Variants in PVT1 observed in about 807,000 individuals in gnomAD.
The protein encoded by PVT1 is Pvt1 oncogene.
At chr8:127,908,348 CT>C (rs34469533) in intron 3 of PVT1, among the ~76,000 whole-genome samples, 28 of 141,010 alleles carry the variant, frequency 2.0e-4, no homozygotes, top group Non-Finnish European at 2.0e-4. Context: ...TTCTTTCTTT[CT>C]TTTTTTTTTT....
At chr8:128,061,887 G>A (rs1314621540) in intron 4 of PVT1, among the ~76,000 whole-genome samples, 2 of 152,166 alleles carry the variant, frequency 1.3e-5, no homozygotes, top group African/African-American at 2.4e-5. Flanking sequence ...ACTTATGCCC[G>A]ATTTTTTAAA....
chr8:127,990,214 C>T (rs730255), intron 4 of PVT1, among the ~76,000 whole-genome samples: 3,924 of 152,228 alleles, frequency 0.026, 71 homozygotes, highest in South Asian at 0.041. Context: ...CTCCCCTGGA[C>T]GGCAGCGGGC....
intron 2 of PVT1, among the ~76,000 whole-genome samples, chr8:127,880,195 A>G (rs1298070470): frequency 1.3e-5 from 2 of 152,164 alleles, no homozygotes; most frequent in African/African-American, 2.4e-5. Context: ...TGTGTCTTTC[A>G]TGTTTGATAT....
At chr8:127,823,848 T>C (rs1275190409) in intron 2 of PVT1, among the ~76,000 whole-genome samples, 2 of 152,238 alleles carry the variant, frequency 1.3e-5, no homozygotes, top group South Asian at 2.1e-4. Flanking sequence ...TGATCACATG[T>C]CCTTTGTGTT....
intron 3 of PVT1, among the ~76,000 whole-genome samples, chr8:127,905,526 G>A (rs1417727418): frequency 6.6e-6 from 1 of 152,104 alleles, no homozygotes; most frequent in Non-Finnish European, 1.5e-5. Context: ...ACATCCATTG[G>A]TCATTTCTGA....
intron 2 of PVT1, among the ~76,000 whole-genome samples, chr8:127,809,981 GTA>G (rs1188575556): frequency 3.9e-5 from 6 of 152,252 alleles, no homozygotes; most frequent in Admixed American, 3.3e-4. Context: ...GTGGAGACCA[GTA>G]GCTTCCTCTG....
chr8:127,897,295 C>T (rs1158140622), intron 3 of PVT1, among the ~76,000 whole-genome samples: 1 of 152,128 alleles, frequency 6.6e-6, no homozygotes, highest in Non-Finnish European at 1.5e-5. Context: ...CCCTACAGCG[C>T]CTGGTCAGAC....
chr8:127,935,211 C>A (rs1485664582), intron 3 of PVT1, among the ~76,000 whole-genome samples: 1 of 152,124 alleles, frequency 6.6e-6, no homozygotes, highest in Non-Finnish European at 1.5e-5. Context: ...GGTGATCTGC[C>A]CGCCTCGGCC....
chr8:128,097,946 G>A (rs946758480), intron 6 of PVT1, among the ~76,000 whole-genome samples: 16 of 152,114 alleles, frequency 1.1e-4, no homozygotes, highest in South Asian at 6.2e-4. Flanking sequence ...GGACTTAGAC[G>A]AGGCTCTGGG....
chr8:128,008,672 A>G (rs1817275572), intron 4 of PVT1, among the ~76,000 whole-genome samples: 1 of 152,192 alleles, frequency 6.6e-6, no homozygotes, highest in Admixed American at 6.5e-5. Context: ...TCTCTCAGTA[A>G]TGATTATAAT....
chr8:127,899,477 C>G (rs979948995), intron 3 of PVT1, among the ~76,000 whole-genome samples: 24 of 152,144 alleles, frequency 1.6e-4, no homozygotes, highest in Non-Finnish European at 2.5e-4. Context: ...TCTCTGGCTC[C>G]CCGTCTCTCA....
chr8:127,937,708 A>G lies in PVT1; in HGVS notation n.782+46710A>G, dbSNP rs547495841. 5.3e-5 allele frequency among the ~76,000 whole-genome samples: 8 copies of G among 152,238 alleles called. No individual in the cohort carries two copies. In the South Asian group the frequency reaches 1.7e-3, roughly 32 times the overall value. ...CTGCTGCTGCGTAGAGCCAGCCAGC[A>G]TATAGATTATGCTTTCTTCCTTCTG... On this transcript the variant is annotated intron_variant and non_coding_transcript_variant, in intron 3 of 10. Transcript: ENST00000651587.
rs560013275 is a variant in PVT1, at chr8:127,996,182, T to A, written n.912+6891T>A. Among the ~76,000 whole-genome samples the A allele has an allele frequency of 6.0e-4, 91 of 152,256 alleles. No individual in the cohort carries two copies. The Middle Eastern group carries it at 0.01, about 17-fold the overall frequency. Reference sequence around the variant, plus strand: ...GCTCCTGATCCAGCAGGTTTTATTCTTAAATTTGTAACAAAGTAAATCACA... The same window carrying A: ...GCTCCTGATCCAGCAGGTTTTATTCATAAATTTGTAACAAAGTAAATCACA... On this transcript the variant is annotated intron_variant and non_coding_transcript_variant, in intron 4 of 10. Transcript: ENST00000651587.
intron 3 of PVT1, among the ~76,000 whole-genome samples, chr8:127,932,919 G>A (rs1346516791): frequency 6.6e-6 from 1 of 152,116 alleles, no homozygotes; most frequent in African/African-American, 2.4e-5. Context: ...CTTAAGGATT[G>A]TCAGGCATTA....
chr8:127,911,844 C>G (rs1240458846), intron 3 of PVT1, among the ~76,000 whole-genome samples: 1 of 152,242 alleles, frequency 6.6e-6, no homozygotes, highest in Non-Finnish European at 1.5e-5. Flanking sequence ...CCTTTGGCCT[C>G]AGGCCCTTAT....
chr8:127,812,389 T>G (rs1404026385), intron 2 of PVT1, among the ~76,000 whole-genome samples: 2 of 151,822 alleles, frequency 1.3e-5, no homozygotes, highest in Non-Finnish European at 2.9e-5. Context: ...GGCAACATAA[T>G]GAGACTTCAT....
chr8:127,797,576 G>C (rs998634056), intron 2 of PVT1, among the ~76,000 whole-genome samples: 3 of 152,138 alleles, frequency 2.0e-5, no homozygotes, highest in Admixed American at 6.5e-5. Flanking sequence ...TTTGGCAGGA[G>C]CCCCCTTTGT....
intron 3 of PVT1, among the ~76,000 whole-genome samples, chr8:127,925,353 T>G (rs557897940): frequency 6.6e-6 from 1 of 152,054 alleles, no homozygotes; most frequent in Admixed American, 6.6e-5. Flanking sequence ...GTTGAAAAAA[T>G]CAAAAAAATC....
At chr8:127,821,229 T>G (rs1814724833) in intron 2 of PVT1, among the ~76,000 whole-genome samples, 1 of 152,170 alleles carries the variant, frequency 6.6e-6, no homozygotes, top group Non-Finnish European at 1.5e-5. Flanking sequence ...CTTCTTCAAG[T>G]AGTAGCTAGG....
Sources: allele counts gnomAD v4.1 joint callset (sites outside exome capture counted in the v4.1 genomes callset), GRCh38; gene constraint gnomAD v4.1.1; transcripts MANE v1.5; gene names NCBI Gene and HGNC (gene_info 2026-07-23, HGNC 2026-07-21).